Variants in SLC25A41 observed in about 807,000 individuals in gnomAD.
SLC25A41 encodes the protein mitochondrial carrier protein SCaMC-3L.
SLC25A41 carries 35 observed loss-of-function variants against 34.7 expected under a neutral mutation model. The ratio of observed to expected loss-of-function variants is 1.01; its 90% CI spans 0.77 to 1.34. The LOEUF (loss-of-function observed/expected upper bound fraction) is 1.34. Among genes scored for constraint, SLC25A41 ranks in the 40% most tolerant of loss-of-function variants. SLC25A41 has a pLI of 0.00. For missense variants in SLC25A41, 492 were observed against 489.8 expected (o/e 1.00, Z -0.04); for synonymous variants, 190 against 209.9 (o/e 0.91, Z 0.82).
At chr19:6,435,415 G>A (rs964971752), upstream of SLC25A41, among the ~76,000 whole-genome samples, 4 of 148,456 alleles carry the variant, frequency 2.7e-5, no homozygotes, top group South Asian at 2.1e-4. Flanking sequence ...CACCACGCCC[G>A]GCTAAGTTTT....
At chr19:6,430,471 T>G in intron 2 of SLC25A41, 1 of 476,974 alleles carries the variant, frequency 2.1e-6, no homozygotes, top group Non-Finnish European at 3.8e-6. Flanking sequence ...CTCCCTCCCT[T>G]CCTCCGTTCC....
chr19:6,426,676 G>A (rs758261464), intron 6 of SLC25A41, 115 bp from the exon 7 acceptor site: 6 of 1,107,202 alleles, frequency 5.4e-6, no homozygotes, highest in Non-Finnish European at 7.8e-6. Context: ...GGGTCAGTAG[G>A]AAAACAGTTT....
At chr19:6,432,797 A>G (rs575613546) in intron 1 of SLC25A41, among the ~76,000 whole-genome samples, 109 of 150,904 alleles carry the variant, frequency 7.2e-4, no homozygotes, top group Middle Eastern at 3.5e-3. Context: ...CAGCCTCCCC[A>G]GTAGCTGGGA....
Position 6,427,644 on chromosome 19 carries a change from T to G in SLC25A41, c.625-143A>C, listed in dbSNP as rs188544800. The G allele has an allele frequency of 4.7e-5, 43 of 924,016 alleles. No homozygotes were observed. Among genetic ancestry groups the G allele is most frequent in the Middle Eastern group, 7.2e-4 (2 of 2,796 alleles). 57.2% of individuals were successfully genotyped at this position (924,016 alleles called of 1,614,324 possible). On this transcript the variant is annotated intron_variant, in intron 4 of 6. Coordinates refer to ENST00000321510, the MANE Select transcript of SLC25A41 (RefSeq NM_173637.4). The surrounding 1 kb of genome is among the most constrained non-coding windows in gnomAD (Gnocchi z 4.9). ...GGGTTTCAGACCCGGATCTGTCAGATTCCATGGAATGCTCTCTGAATTTTG... is the reference window on the plus strand; with the variant it reads ...GGGTTTCAGACCCGGATCTGTCAGAGTCCATGGAATGCTCTCTGAATTTTG...
At chr19:6,426,897 C>G (rs1002381580) in intron 6 of SLC25A41, among the ~76,000 whole-genome samples, 1 of 152,152 alleles carries the variant, frequency 6.6e-6, no homozygotes, top group African/African-American at 2.4e-5. Flanking sequence ...CTCAGCCTCC[C>G]AAGTAGCTGG....
At position 6,429,039 on chromosome 19, in the gene SLC25A41, A is replaced by T. The variant is rs1281804017; in HGVS notation, c.624+685T>A. 1.4e-3 allele frequency among the ~76,000 whole-genome samples: 37 copies of T among 26,972 alleles called. 6 individuals carry two copies. The Admixed American group carries it at 0.022, about 16-fold the overall frequency. 17.7% of individuals were successfully genotyped at this position (26,972 alleles called of 152,430 possible). A position where few individuals can be genotyped will look rare whatever the true frequency, so the allele number is the denominator to read the frequency against. ...CCTGAAAATTTATATATATATATAT[A>T]ATATATATATTATATATATGTTATA... On this transcript the variant is annotated intron_variant, in intron 4 of 6. Transcript: ENST00000321510.
chr19:6,429,878 A>C, intron 3 of SLC25A41, 47 bp from the exon 4 acceptor site: 1 of 1,597,760 alleles, frequency 6.3e-7, no homozygotes, highest in Non-Finnish European at 8.5e-7. Flanking sequence ...CCACCCTCCG[A>C]CACAAAACCC....
At chr19:6,432,436 G>A (rs957793792) in intron 1 of SLC25A41, among the ~76,000 whole-genome samples, 2 of 145,294 alleles carry the variant, frequency 1.4e-5, no homozygotes, top group African/African-American at 5.1e-5. Context: ...GCAGCCTCCT[G>A]AGTAGCTGGG....
Position 6,427,282 on chromosome 19 carries a change from C to A in SLC25A41, c.793-32G>T. On this transcript the variant is annotated intron_variant, in intron 5 of 6. Coordinates refer to ENST00000321510, the MANE Select transcript of SLC25A41 (RefSeq NM_173637.4). The surrounding 1 kb of genome is among the most constrained non-coding windows in gnomAD (Gnocchi z 4.9). The stretch of plus-strand genomic sequence containing the variant: ...GAGAAGGGGGCCAGGAGAAAGCTCA[C>A]TAGGAGCCTGGGCTCCGGCCAGCCC... 1.2e-6 allele frequency: 2 copies of A among 1,609,692 alleles called. No homozygotes were observed. The highest frequency in any genetic ancestry group is 1.7e-6 in the Non-Finnish European group (2 of 1,177,644).
chr19:6,433,620 A>C lies in SLC25A41; in HGVS notation c.74T>G (p.Leu25Ter), dbSNP rs1483073313. The change falls in exon 1 of 7, where the codon TTA becomes TGA. Residue 25 changes from leucine to a stop codon, truncating the protein, a stop_gained. Coordinates refer to ENST00000321510, the MANE Select transcript of SLC25A41 (RefSeq NM_173637.4). LOFTEE classifies it high-confidence loss of function. ...GGGGGGAGGCGGGGCTTTGATGAGT[A>C]AGGTCTTGACCCTCCTAAACAGTGT... ...IQTLFRRVKT[L>*]LIKAPPPPQP... 1 of 1,611,822 alleles carries C rather than the reference A, an allele frequency of 6.2e-7. No homozygotes were observed. Among genetic ancestry groups the C allele is most frequent in the African/African-American group, 1.3e-5 (1 of 74,866 alleles).
chr19:6,426,587 A>C (rs764406212), intron 6 of SLC25A41, 26 bp from the exon 7 acceptor site: 2 of 1,605,714 alleles, frequency 1.2e-6, no homozygotes, highest in Non-Finnish European at 1.7e-6. Flanking sequence ...CAAGATCAGG[A>C]CTAGGCCAGA....
At chr19:6,429,245 TTATA>T (rs1236399463) in intron 4 of SLC25A41, among the ~76,000 whole-genome samples, 75 of 105,274 alleles carry the variant, frequency 7.1e-4, no homozygotes, top group African/African-American at 2.4e-3. Flanking sequence ...TATGAAAATG[TTATA>T]TATATGTATA....
chr19:6,431,152 T>A (rs896348668), intron 2 of SLC25A41, among the ~76,000 whole-genome samples: 1 of 151,888 alleles, frequency 6.6e-6, no homozygotes, highest in African/African-American at 2.4e-5. Flanking sequence ...TAATTAATTA[T>A]TATTTTGTAG....
intron 4 of SLC25A41, among the ~76,000 whole-genome samples, chr19:6,429,129 GTTATATATATATA>G (rs2092264403): frequency 2.9e-5 from 1 of 34,606 alleles, no homozygotes; most frequent in African/African-American, 2.2e-4. Context: ...TTATATATAT[GTTATATATATATA>G]TAATATATAT....
rs1281001030 is a variant in SLC25A41 at position 6,427,137 on chromosome 19, T to C, written c.906A>G (p.Pro302=). ...STTCGQMASY[P]LTLVRTRMQA... ...GCATCCTGGTGCGCACCAGAGTCAG[T>C]GGGTAGCTGGCCATCTGGCCACAGG... Residue 302 remains proline (P), a synonymous_variant, in exon 6 of 7, where the codon CCA becomes CCG. Transcript: ENST00000321510. This position sits in a 1 kb window ranked among gnomAD's most constrained non-coding sequence, Gnocchi z 4.9. 6.2e-7 allele frequency: 1 copy of C among 1,608,670 alleles called. No individual in the cohort carries two copies. Among genetic ancestry groups the C allele is most frequent in the South Asian group, 1.1e-5 (1 of 90,298 alleles).
chr19:6,435,052 T>C (rs1172108743), upstream of SLC25A41, among the ~76,000 whole-genome samples: 1 of 148,680 alleles, frequency 6.7e-6, no homozygotes, highest in Non-Finnish European at 1.5e-5. Context: ...GCCAGACCCC[T>C]GTCTCTATAA....
rs2092260758 is a variant in SLC25A41, at chr19:6,429,069, T to TA, written c.624+654dup. On this transcript the variant is annotated intron_variant, in intron 4 of 6. Transcript: ENST00000321510. ...ATATATTATATATATGTTATATATA[T>TA]ATATAATATATATATTATATATATG... Among the ~76,000 whole-genome samples the TA allele has an allele frequency of 3.1e-5, 2 of 65,346 alleles. 1 individual carries two copies. Among genetic ancestry groups the TA allele is most frequent in the Non-Finnish European group, 4.9e-5 (2 of 40,466 alleles). The allele number at this position is 65,346 out of a possible 152,430, so 42.9% of individuals were successfully genotyped here.
rs1336588556 is a variant in SLC25A41, at chr19:6,429,057, ATGT to A, written c.624+664_624+666del. Among the ~76,000 whole-genome samples the A allele has an allele frequency of 3.8e-3, 146 of 38,424 alleles. 35 individuals carry two copies. The highest frequency in any genetic ancestry group is 0.019 in the Admixed American group (29 of 1,532). The allele number at this position is 38,424 out of a possible 152,430, so 25.2% of individuals were successfully genotyped here. Reference sequence around the variant, plus strand: ...TATATATAATATATATATTATATATATGTTATATATATATATAATATATATATT... The same window carrying A: ...TATATATAATATATATATTATATATATATATATATATATAATATATATATT... On this transcript the variant is annotated intron_variant, in intron 4 of 6. Coordinates refer to ENST00000321510, the MANE Select transcript of SLC25A41 (RefSeq NM_173637.4).
Position 6,427,539 on chromosome 19 carries a change from A to G in SLC25A41, c.625-38T>C. 1 of 1,461,462 alleles carries G rather than the reference A, an allele frequency of 6.8e-7. No homozygotes were observed. The highest frequency in any genetic ancestry group is 9.1e-7 in the Non-Finnish European group (1 of 1,098,468). The allele number at this position is 1,461,462 out of a possible 1,614,324, so 90.5% of individuals were successfully genotyped here. ...GGGAACAAGGCAGCTCATTTGATTG[A>G]ATCCTGTCAATGACCCTCGGGGTAG... On this transcript the variant is annotated intron_variant, in intron 4 of 6. Transcript: ENST00000321510. This position sits in a 1 kb window ranked among gnomAD's most constrained non-coding sequence, Gnocchi z 4.9.
Sources: gnomAD v4.1 joint callset for allele counts (sites outside exome capture counted in the v4.1 genomes callset) on GRCh38, gnomAD v4.1.1 for gene constraint, Gnocchi (gnomAD v3.1) non-coding constraint, MANE v1.5 for transcripts, NCBI Gene and HGNC (gene_info 2026-07-23, HGNC 2026-07-21) for gene names.